LDLRAD4: variants seen among roughly 807,000 people sequenced by gnomAD.
The protein encoded by LDLRAD4 is low-density lipoprotein receptor class A domain-containing protein 4.
In LDLRAD4, 5 loss-of-function variants were observed where a neutral mutation model predicts 17.0. The observed-to-expected ratio is 0.29, with a 90% CI of 0.15 to 0.62. The LOEUF is 0.62. Among genes scored for constraint, LDLRAD4 ranks in the 20% least tolerant of loss-of-function variants. The probability of loss-of-function intolerance (pLI) is 0.84; values close to 1 mark genes in which losing one functional copy is unlikely to be tolerated. For missense variants in LDLRAD4, 340 were observed against 424.7 expected (o/e 0.80, Z 1.75); for synonymous variants, 168 against 171.8 (o/e 0.98, Z 0.17).
At chr18:13,518,547 C>T (rs6505821) in intron 3 of LDLRAD4, among the ~76,000 whole-genome samples, 44,339 of 152,028 alleles carry the variant, frequency 0.29, 6,738 homozygotes, top group Middle Eastern at 0.49. Context: ...TTAAACTTCC[C>T]GTGTTTATGC....
chr18:13,360,935 G>C (rs976432139), intron 1 of LDLRAD4, among the ~76,000 whole-genome samples: 4 of 152,252 alleles, frequency 2.6e-5, no homozygotes, highest in Middle Eastern at 3.4e-3. Flanking sequence ...CAGATGAGTG[G>C]GAACTGAGTA....
chr18:13,649,321 A>G (rs1229946754), exon 6 of LDLRAD4: 2 of 152,190 alleles, frequency 1.3e-5, no homozygotes, highest in African/African-American at 4.8e-5. Flanking sequence ...ACTTTTAGAA[A>G]TCTTCTCTGA....
At position 13,387,771 on chromosome 18, in the gene LDLRAD4, G is replaced by A; in HGVS notation, c.40+9G>A. 2 of 1,613,022 alleles carry A rather than the reference G, an allele frequency of 1.2e-6. No homozygotes were observed. The highest frequency in any genetic ancestry group is 1.7e-6 in the Non-Finnish European group (2 of 1,179,010). Reference sequence around the variant, plus strand: ...CACAAATGCTTTCACAGGTGAGCATGCTCCAGGTAATCCGAGGCTTTGCCT... The same window carrying A: ...CACAAATGCTTTCACAGGTGAGCATACTCCAGGTAATCCGAGGCTTTGCCT... On this transcript the variant is annotated intron_variant, in intron 2 of 5. Transcript: ENST00000359446.
At chr18:13,590,134 T>G (rs571601112) in intron 3 of LDLRAD4, among the ~76,000 whole-genome samples, 3 of 150,492 alleles carry the variant, frequency 2.0e-5, no homozygotes, top group African/African-American at 7.4e-5. Flanking sequence ...GGTGTGCATG[T>G]GTGGGTGTGC....
At chr18:13,297,749 A>G (rs2046352415) in intron 1 of LDLRAD4, among the ~76,000 whole-genome samples, 1 of 152,228 alleles carries the variant, frequency 6.6e-6, no homozygotes, top group South Asian at 2.1e-4. Context: ...GCAGTGAACT[A>G]TAATCCCACC....
In LDLRAD4 at chr18:13,528,269, A is replaced by T. The variant is rs533117563; in HGVS notation, c.181+89885A>T. Among the ~76,000 whole-genome samples the T allele has an allele frequency of 2.0e-5, 3 of 152,298 alleles. No homozygotes were observed. In the South Asian group the frequency reaches 6.2e-4, roughly 32 times the overall value. The stretch of plus-strand genomic sequence containing the variant: ...GCCAGCACTGAGCTGGAGACGCCTT[A>T]CCTGCGTTACCCTGTTAGTCCTCAC... On this transcript the variant is annotated intron_variant, in intron 3 of 5. Coordinates refer to ENST00000359446, the Ensembl canonical transcript of LDLRAD4.
At position 13,645,507 on chromosome 18, in the gene LDLRAD4, G is replaced by A; in HGVS notation, c.771G>A (p.Glu257=). ...AGGGGCCACCCCCCACATACAGCGAGGTGATGGGCCACCACCCAGGCGCCT... is the reference window on the plus strand; with the variant it reads ...AGGGGCCACCCCCCACATACAGCGAAGTGATGGGCCACCACCCAGGCGCCT... Residue 257 remains glutamate (E), a synonymous_variant, in exon 6 of 6, where the codon GAG becomes GAA. Coordinates refer to ENST00000359446, the Ensembl canonical transcript of LDLRAD4. The surrounding 1 kb of genome is among the most constrained non-coding windows in gnomAD (Gnocchi z 5.7). 1 of 1,610,830 alleles carries A rather than the reference G, an allele frequency of 6.2e-7. No individual in the cohort carries two copies. The highest frequency in any genetic ancestry group is 8.5e-7 in the Non-Finnish European group (1 of 1,178,396).
intron 4 of LDLRAD4, among the ~76,000 whole-genome samples, chr18:13,642,932 T>TG (rs1405418273): frequency 7.0e-6 from 1 of 142,386 alleles, no homozygotes; most frequent in African/African-American, 2.9e-5. Flanking sequence ...TTTTTTGTTT[T>TG]TTTTTTTTCT....
At chr18:13,642,017 C>G in intron 4 of LDLRAD4, 1 of 985,404 alleles carries the variant, frequency 1.0e-6, no homozygotes, top group African/African-American at 1.7e-5. Context: ...CCCGCTTCCG[C>G]CCCGCTGGCG....
intron 3 of LDLRAD4, among the ~76,000 whole-genome samples, chr18:13,575,724 C>A (rs573453115): frequency 6.6e-6 from 1 of 152,220 alleles, no homozygotes; most frequent in Non-Finnish European, 1.5e-5. Context: ...ACCGCATCCA[C>A]GCCAACATCT....
intron 3 of LDLRAD4, among the ~76,000 whole-genome samples, chr18:13,598,808 C>T (rs920272531): frequency 6.6e-6 from 1 of 152,214 alleles, no homozygotes; most frequent in Non-Finnish European, 1.5e-5. Flanking sequence ...TGCTCCACAG[C>T]TGGAGTGGGG....
intron 3 of LDLRAD4, among the ~76,000 whole-genome samples, chr18:13,598,762 C>G (rs1480583176): frequency 6.6e-6 from 1 of 152,216 alleles, no homozygotes; most frequent in Non-Finnish European, 1.5e-5. Context: ...GTTCTTATGG[C>G]CTGCCTGTAC....
At chr18:13,362,798 T>C (rs949966302) in intron 1 of LDLRAD4, among the ~76,000 whole-genome samples, 1 of 152,222 alleles carries the variant, frequency 6.6e-6, no homozygotes, top group Non-Finnish European at 1.5e-5. Context: ...CTTCTGACTC[T>C]ATGAAAATTA....
At chr18:13,449,769 T>C (rs2091670953) in intron 3 of LDLRAD4, among the ~76,000 whole-genome samples, 1 of 152,224 alleles carries the variant, frequency 6.6e-6, no homozygotes, top group Admixed American at 6.5e-5. Context: ...TCAGGCCTTT[T>C]ACCCTTAGAT....
At chr18:13,458,386 A>C (rs1330583953) in intron 3 of LDLRAD4, among the ~76,000 whole-genome samples, 1 of 152,126 alleles carries the variant, frequency 6.6e-6, no homozygotes, top group Non-Finnish European at 1.5e-5. Context: ...CTGTGCGTAA[A>C]TCTTTCCACA....
intron 1 of LDLRAD4, among the ~76,000 whole-genome samples, chr18:13,224,580 T>C (rs1313643269): frequency 2.8e-5 from 4 of 143,860 alleles, no homozygotes; most frequent in African/African-American, 5.1e-5. Flanking sequence ...CCAGGGTTCA[T>C]GCCATTCTCC....
At chr18:13,488,877 AG>A (rs893169810) in intron 3 of LDLRAD4, 3 of 152,250 alleles carry the variant, frequency 2.0e-5, no homozygotes, top group African/African-American at 7.2e-5. Context: ...CCTAAACACT[AG>A]TGGGACCCTG....
intron 2 of LDLRAD4, among the ~76,000 whole-genome samples, chr18:13,391,549 A>G (rs889312973): frequency 6.6e-6 from 1 of 152,178 alleles, no homozygotes; most frequent in African/African-American, 2.4e-5. Context: ...CATTATTTTT[A>G]GTTTTCTCAG....
chr18:13,269,723 G>C (rs1305928778), intron 1 of LDLRAD4, among the ~76,000 whole-genome samples: 1 of 152,228 alleles, frequency 6.6e-6, no homozygotes, highest in Non-Finnish European at 1.5e-5. Flanking sequence ...TCCTTCCAGA[G>C]AGATGTGTTC....
Sources: gnomAD v4.1 joint callset for allele counts (sites outside exome capture counted in the v4.1 genomes callset) on GRCh38, gnomAD v4.1.1 for gene constraint, Gnocchi (gnomAD v3.1) non-coding constraint, MANE v1.5 for transcripts, NCBI Gene and HGNC (gene_info 2026-07-23, HGNC 2026-07-21) for gene names.